The following CCNB2 variants were observed in gnomAD, a reference collection of about 807,000 sequenced individuals.
CCNB2 encodes G2/mitotic-specific cyclin-B2.
A neutral mutation model predicts 51.1 loss-of-function variants in CCNB2; 39 were observed. The ratio of observed to expected loss-of-function variants is 0.76; its 90% CI spans 0.59 to 1.00. CCNB2 has a LOEUF of 1.00. Among genes scored for constraint, CCNB2 ranks in the 50% least tolerant of loss-of-function variants. The pLI, the probability that CCNB2 is intolerant of heterozygous loss-of-function variation, is 0.00. For synonymous variants in CCNB2, 174 were observed against 165.5 expected (o/e 1.05, Z -0.40); for missense variants, 472 against 470.3 (o/e 1.00, Z -0.03).
intron 3 of CCNB2, among the ~76,000 whole-genome samples, chr15:59,110,176 C>G (rs2079252465): frequency 6.6e-6 from 1 of 151,970 alleles, no homozygotes; most frequent in Non-Finnish European, 1.5e-5. Flanking sequence ...TCCATAACTT[C>G]ATCCTTTTTG....
intron 8 of CCNB2, chr15:59,124,257 C>T (rs750830928): frequency 6.0e-6 from 1 of 165,644 alleles, no homozygotes; most frequent in African/African-American, 2.4e-5. Context: ...TGGCAAAGAG[C>T]AAGGTATTTG....
chr15:59,114,901 C>G (rs373216298), intron 5 of CCNB2, 25 bp downstream of exon 5: 1 of 1,591,996 alleles, frequency 6.3e-7, no homozygotes, highest in Middle Eastern at 1.8e-4. Context: ...AGGGACTTCA[C>G]GCCAGTGGCT....
intron 7 of CCNB2, among the ~76,000 whole-genome samples, chr15:59,122,564 G>T (rs2079307678): frequency 7.1e-6 from 1 of 140,652 alleles, no homozygotes; most frequent in Non-Finnish European, 1.5e-5. Context: ...TTTTGAGACA[G>T]GGTCTCACTG....
chr15:59,123,706 T>A, intron 8 of CCNB2, 79 bp downstream of exon 8: 1 of 713,638 alleles, frequency 1.4e-6, no homozygotes, highest in Non-Finnish European at 2.5e-6. Flanking sequence ...GGGGGGGCGG[T>A]GTGTGCCGTC....
Position 59,114,578 on chromosome 15 carries a change from C to A in CCNB2, c.402C>A (p.Tyr134Ter), listed in dbSNP as rs146057559. 6.2e-7 allele frequency: 1 copy of A among 1,606,904 alleles called. No individual in the cohort carries two copies. The change falls in exon 4 of 9, where the codon TAC becomes TAA. Residue 134 changes from tyrosine to a stop codon, truncating the protein, a stop_gained. Transcript: ENST00000288207. LOFTEE classifies it high-confidence loss of function. ...DWENPQLCSD[Y>*]VKDIYQYLRQ... ...AGAACCCTCAGCTCTGCAGTGACTA[C>A]GTTAAGGATATCTATCAGTATCTCA...
intron 3 of CCNB2, among the ~76,000 whole-genome samples, chr15:59,113,205 CTATTT>C (rs755972495): frequency 3.9e-5 from 6 of 152,116 alleles, no homozygotes; most frequent in East Asian, 1.9e-4. Flanking sequence ...CTCCCTTCTC[CTATTT>C]TATTTATAGA....
At position 59,105,202 on chromosome 15, in the gene CCNB2, G is replaced by A; in HGVS notation, c.-67G>A. ...AGTCCTAACGGCGCCTCGTACGCTA[G>A]TGTCCTCCCTTTTCAGTCCGCGTCC... is the stretch of plus-strand genomic sequence containing the variant. On this transcript the variant is annotated 5_prime_UTR_variant, in exon 1 of 9. In the 5' UTR this introduces an upstream ATG that the reference lacks. Transcript: ENST00000288207. 13 of 1,487,720 alleles carry A rather than the reference G, an allele frequency of 8.7e-6. No individual in the cohort carries two copies. The highest frequency in any genetic ancestry group is 1.2e-5 in the Non-Finnish European group (13 of 1,094,398). 92.2% of individuals were successfully genotyped at this position (1,487,720 alleles called of 1,614,324 possible). A position where few individuals can be genotyped will look rare whatever the true frequency, so the allele number is the denominator to read the frequency against.
At position 59,123,579 on chromosome 15, in the gene CCNB2, C is replaced by T; in HGVS notation, c.1038C>T (p.His346=). ...TENEVLEVMQ[H]MAKNVVKVNE... is the part of the protein sequence containing the mutation. ...ATGAAGTATTGGAAGTCATGCAGCA[C>T]ATGGCCAAGAATGTGGTGAAAGTAA... The change falls in exon 8 of 9, where the codon CAC becomes CAT. Residue 346 remains histidine (H), a synonymous_variant. Coordinates refer to ENST00000288207, the MANE Select transcript of CCNB2 (RefSeq NM_004701.4). 1.2e-6 allele frequency: 2 copies of T among 1,612,392 alleles called. No homozygotes were observed. Among genetic ancestry groups the T allele is most frequent in the South Asian group, 2.2e-5 (2 of 91,046 alleles).
intron 7 of CCNB2, among the ~76,000 whole-genome samples, chr15:59,123,216 T>A (rs371956259): frequency 6.6e-6 from 1 of 152,160 alleles, no homozygotes; most frequent in African/African-American, 2.4e-5. Flanking sequence ...TCCATCCCCT[T>A]TCAGTGTTGT....
chr15:59,105,359 CTCA>C (rs1352379655), intron 1 of CCNB2, 67 bp downstream of exon 1: 17 of 1,498,906 alleles, frequency 1.1e-5, no homozygotes, highest in Non-Finnish European at 1.4e-5. Context: ...TGTCGCTTCT[CTCA>C]TCTGCTCCGA....
At chr15:59,123,980 A>C (rs1392314761) in intron 8 of CCNB2, 1 of 203,238 alleles carries the variant, frequency 4.9e-6, no homozygotes, top group Non-Finnish European at 1.0e-5. Context: ...GTGATTGGGA[A>C]GAGAGAGGGC....
chr15:59,123,693 C>G (rs74017364), intron 8 of CCNB2, 66 bp downstream of exon 8: 32,741 of 377,332 alleles, frequency 0.087, 465 homozygotes, highest in African/African-American at 0.17. Context: ...GTATGTTGGG[C>G]GGGGGGGGGC....
intron 7 of CCNB2, 139 bp from the exon 8 acceptor site, chr15:59,123,378 G>C: frequency 5.0e-6 from 3 of 605,078 alleles, no homozygotes; most frequent in Non-Finnish European, 9.0e-6. Context: ...GGCTTTGATT[G>C]AATTTCCAGA....
chr15:59,105,149 G>A lies in CCNB2; in HGVS notation c.-120G>A. 1 of 921,464 alleles carries A rather than the reference G, an allele frequency of 1.1e-6. No individual in the cohort carries two copies. The highest frequency in any genetic ancestry group is 1.6e-5 in the African/African-American group (1 of 60,644). 57.1% of individuals were successfully genotyped at this position (921,464 alleles called of 1,614,324 possible). On this transcript the variant is annotated 5_prime_UTR_variant, in exon 1 of 9. Transcript: ENST00000288207. ...CCTGGAACAAGGCTACAGCGTCGAA[G>A]ATCCCCAGCGCTGCGGGCTCGGAGA...
chr15:59,118,125 G>A (rs2079286439), intron 7 of CCNB2, among the ~76,000 whole-genome samples: 2 of 152,214 alleles, frequency 1.3e-5, no homozygotes, highest in Admixed American at 1.3e-4. Flanking sequence ...CAAGACAAAG[G>A]AAGGCCAAGG....
At chr15:59,114,653 G>A in intron 4 of CCNB2, 39 bp downstream of exon 4, 1 of 1,586,814 alleles carries the variant, frequency 6.3e-7, no homozygotes, top group Non-Finnish European at 8.6e-7. Flanking sequence ...TAAGCAATGT[G>A]GAATTTACCA....
intron 7 of CCNB2, chr15:59,120,925 A>G (rs1161647564): frequency 6.6e-6 from 1 of 152,210 alleles, no homozygotes; most frequent in East Asian, 1.9e-4. Context: ...TTGTGCAGTA[A>G]GATGTATACA....
chr15:59,117,194 G>C, intron 6 of CCNB2, 34 bp from the exon 7 acceptor site: 1 of 1,600,964 alleles, frequency 6.2e-7, no homozygotes, highest in Non-Finnish European at 8.5e-7. Flanking sequence ...AATTACACTT[G>C]TGATTCTTAC....
At position 59,116,555 on chromosome 15, in the gene CCNB2, C is replaced by T. The variant is rs983011102; in HGVS notation, c.598-135C>T. On this transcript the variant is annotated intron_variant, in intron 5 of 8. Coordinates refer to ENST00000288207, the MANE Select transcript of CCNB2 (RefSeq NM_004701.4). ...ATAGCTGTCATGATCAGTGGTAGAACAGTCAGGTCTCCTGTGCCCTTATGA... is the reference window on the plus strand; with the variant it reads ...ATAGCTGTCATGATCAGTGGTAGAATAGTCAGGTCTCCTGTGCCCTTATGA... 9.8e-5 allele frequency: 39 copies of T among 396,084 alleles called. 1 individual carries two copies. The South Asian group carries it at 1.0e-3, about 10-fold the overall frequency. 24.5% of individuals were successfully genotyped at this position (396,084 alleles called of 1,614,324 possible).
Sources: gnomAD v4.1 joint callset for allele counts (sites outside exome capture counted in the v4.1 genomes callset) on GRCh38, gnomAD v4.1.1 for gene constraint, MANE v1.5 for transcripts, NCBI Gene and HGNC (gene_info 2026-07-23, HGNC 2026-07-21) for gene names.